CNRIP1: variants seen among roughly 807,000 people sequenced by gnomAD.
CNRIP1 encodes the protein CB1 cannabinoid receptor-interacting protein 1.
CNRIP1 carries 10 observed loss-of-function variants against 15.2 expected under a neutral mutation model. The observed-to-expected ratio is 0.66, with a 90% CI of 0.41 to 1.12. The LOEUF is 1.12. Among genes scored for constraint, CNRIP1 ranks in the 50% most tolerant of loss-of-function variants. The probability of loss-of-function intolerance (pLI) is 0.00; values close to 1 mark genes in which losing one functional copy is unlikely to be tolerated. For missense variants in CNRIP1, 211 were observed against 214.7 expected (o/e 0.98, Z 0.11); for synonymous variants, 91 against 83.2 (o/e 1.09, Z -0.51).
intron 1 of CNRIP1, among the ~76,000 whole-genome samples, chr2:68,318,402 C>T (rs1369808112): frequency 6.6e-6 from 1 of 152,164 alleles, no homozygotes; most frequent in Non-Finnish European, 1.5e-5. Context: ...AAAGGGGCTC[C>T]ACCCGCAGTT....
intron 2 of CNRIP1, among the ~76,000 whole-genome samples, chr2:68,297,321 C>A (rs1671406269): frequency 6.6e-6 from 1 of 152,052 alleles, no homozygotes; most frequent in East Asian, 1.9e-4. Flanking sequence ...AATGCCAGCA[C>A]TTTGGGAGGC....
chr2:68,304,425 CCTTAG>C (rs1465553557), intron 2 of CNRIP1, among the ~76,000 whole-genome samples: 1 of 151,302 alleles, frequency 6.6e-6, no homozygotes, highest in African/African-American at 2.4e-5. Flanking sequence ...AGTTGGAGAG[CCTTAG>C]CTTAGTTACT....
At chr2:68,287,891 A>G (rs1228317866) in intron 2 of CNRIP1, among the ~76,000 whole-genome samples, 1 of 152,264 alleles carries the variant, frequency 6.6e-6, no homozygotes, top group East Asian at 1.9e-4. Context: ...ACTATCATTA[A>G]TAATACGAAC....
chr2:68,314,572 A>G (rs1209832217), intron 2 of CNRIP1, among the ~76,000 whole-genome samples: 1 of 152,074 alleles, frequency 6.6e-6, no homozygotes, highest in Non-Finnish European at 1.5e-5. Context: ...GATTCTGACC[A>G]TCTATATGAA....
At chr2:68,314,846 CA>C (rs746602957) in intron 2 of CNRIP1, among the ~76,000 whole-genome samples, 4 of 151,728 alleles carry the variant, frequency 2.6e-5, no homozygotes, top group Non-Finnish European at 4.4e-5. Context: ...AAATACTTTC[CA>C]ATATAAAAGT....
chr2:68,296,636 T>A (rs977159666), intron 2 of CNRIP1, among the ~76,000 whole-genome samples: 7 of 152,058 alleles, frequency 4.6e-5, no homozygotes, highest in Non-Finnish European at 8.8e-5. Flanking sequence ...GTTCTTTTTT[T>A]AATTTTTATT....
intron 2 of CNRIP1, among the ~76,000 whole-genome samples, chr2:68,285,286 A>T (rs921236457): frequency 2.2e-5 from 3 of 137,812 alleles, no homozygotes; most frequent in Non-Finnish European, 4.5e-5. Context: ...AAGTCTGCTC[A>T]GACAATCTCC....
Position 68,293,973 on chromosome 2 carries a change from G to A in CNRIP1, c.384C>T (p.Tyr128=), listed in dbSNP as rs769337173. 2 of 1,614,084 alleles carry A rather than the reference G, an allele frequency of 1.2e-6. No individual in the cohort carries two copies. Among genetic ancestry groups the A allele is most frequent in the Non-Finnish European group, 1.7e-6 (2 of 1,179,998 alleles). ...ETVWQVKFYN[Y]HKRDHCQWGS... is the part of the protein sequence containing the mutation. ...CCCACTGGCAGTGATCCCGCTTGTG[G>A]TAATTGTAGAACTTGACTTGCCACA... Residue 128 remains tyrosine (Y), a synonymous_variant, in exon 3 of 3, where the codon TAC becomes TAT. Transcript: ENST00000263655.
intron 2 of CNRIP1, among the ~76,000 whole-genome samples, chr2:68,303,089 C>T (rs1281484216): frequency 4.2e-5 from 6 of 143,446 alleles, no homozygotes; most frequent in East Asian, 3.1e-4. Context: ...CTTCGTGATC[C>T]ACCCGCCTTG....
chr2:68,311,043 T>C (rs780363802), intron 2 of CNRIP1, among the ~76,000 whole-genome samples: 3 of 152,198 alleles, frequency 2.0e-5, no homozygotes, highest in African/African-American at 4.8e-5. Flanking sequence ...CAAAGACTTA[T>C]GGGATAATAC....
At chr2:68,316,989 A>G in intron 2 of CNRIP1, 168 bp downstream of exon 2, 2 of 809,886 alleles carry the variant, frequency 2.5e-6, no homozygotes, top group Non-Finnish European at 4.3e-6. Flanking sequence ...AAGAGCATTA[A>G]TTAAGTAGTT....
chr2:68,292,917 TCCTGTAGCATACAGG>T, downstream of CNRIP1: 1 of 591,266 alleles, frequency 1.7e-6, no homozygotes, highest in Non-Finnish European at 2.1e-6. Flanking sequence ...ATCCCCGTCA[TCCTGTAGCATACAGG>T]CCTGAGTGAA....
chr2:68,299,263 A>G (rs1671511328), intron 2 of CNRIP1, among the ~76,000 whole-genome samples: 1 of 152,196 alleles, frequency 6.6e-6, no homozygotes, highest in South Asian at 2.1e-4. Flanking sequence ...ATGAGAAATT[A>G]CATGAGTTGT....
chr2:68,303,510 G>A (rs946417592), intron 2 of CNRIP1, among the ~76,000 whole-genome samples: 2 of 152,050 alleles, frequency 1.3e-5, no homozygotes, highest in African/African-American at 2.4e-5. Flanking sequence ...GCTCCCTCTG[G>A]GCCTCTGGTC....
At chr2:68,286,537 A>G (rs1662383060) in intron 2 of CNRIP1, among the ~76,000 whole-genome samples, 1 of 152,178 alleles carries the variant, frequency 6.6e-6, no homozygotes. Context: ...TGGGAAATTC[A>G]CAATGCTCCT....
At chr2:68,304,634 T>G (rs1671742199) in intron 2 of CNRIP1, among the ~76,000 whole-genome samples, 1 of 151,556 alleles carries the variant, frequency 6.6e-6, no homozygotes, top group Admixed American at 6.6e-5. Context: ...GTCTTTTTTT[T>G]TTTTTTGAGA....
rs138706965 is a variant in CNRIP1 at position 68,298,419 on chromosome 2, G to T, written c.331-4393C>A. Reference sequence around the variant, plus strand: ...CTAGGTAACAGAGAAACAACACTGAGATTTTTATTTTTTGAAATAAAAGTT... The same window carrying T: ...CTAGGTAACAGAGAAACAACACTGATATTTTTATTTTTTGAAATAAAAGTT... On this transcript the variant is annotated intron_variant, in intron 2 of 2. Coordinates refer to ENST00000263655, the MANE Select transcript of CNRIP1 (RefSeq NM_015463.3). 6.0e-3 allele frequency among the ~76,000 whole-genome samples: 914 copies of T among 152,024 alleles called. 8 individuals are homozygous for T. The highest frequency in any genetic ancestry group is 0.021 in the African/African-American group (880 of 41,466).
downstream of CNRIP1, among the ~76,000 whole-genome samples, chr2:68,288,330 A>T (rs1354268128): frequency 1.3e-5 from 2 of 152,158 alleles, no homozygotes; most frequent in African/African-American, 4.8e-5. Context: ...CTGGCACTTG[A>T]AGGCGTTTGC....
chr2:68,307,154 ATT>A (rs1430488600), intron 2 of CNRIP1, among the ~76,000 whole-genome samples: 3 of 152,158 alleles, frequency 2.0e-5, no homozygotes, highest in African/African-American at 7.2e-5. Context: ...ACTACATATC[ATT>A]GTTACAATTT....
Sources: allele counts gnomAD v4.1 joint callset (sites outside exome capture counted in the v4.1 genomes callset), GRCh38; gene constraint gnomAD v4.1.1; transcripts MANE v1.5; gene names NCBI Gene and HGNC (gene_info 2026-07-23, HGNC 2026-07-21).